Variants in ZNF496 observed in about 807,000 individuals in gnomAD.
ZNF496 encodes NSD1 (nuclear receptor binding SET-domain containing 1)-interacting zinc finger protein 1.
Under a neutral mutation model 58.9 loss-of-function variants are expected in ZNF496, and 11 were observed. The ratio of observed to expected loss-of-function variants is 0.19; its 90% CI spans 0.12 to 0.31. The LOEUF (loss-of-function observed/expected upper bound fraction) is 0.31. Among genes scored for constraint, ZNF496 ranks in the 10% least tolerant of loss-of-function variants. The probability of loss-of-function intolerance (pLI) is 1.00; values close to 1 mark genes in which losing one functional copy is unlikely to be tolerated. For missense variants in ZNF496, 660 were observed against 783.0 expected (o/e 0.84, Z 1.88); for synonymous variants, 338 against 318.2 (o/e 1.06, Z -0.66).
chr1:247,311,561 A>C (rs1659604795), intron 6 of ZNF496: 1 of 152,396 alleles, frequency 6.6e-6, no homozygotes, highest in Non-Finnish European at 1.5e-5. Context: ...CAAGTCCTGA[A>C]CCTATGGGTC....
chr1:247,310,608 C>T (rs1026315594), intron 6 of ZNF496, 152 bp from the exon 7 acceptor site: 1 of 1,025,476 alleles, frequency 9.8e-7, no homozygotes, highest in South Asian at 1.7e-5. Flanking sequence ...GCTGGACGTC[C>T]AAGATCAAGG....
chr1:247,308,344 A>G lies in ZNF496; in HGVS notation c.1006+131T>C. 1 of 822,866 alleles carries G rather than the reference A, an allele frequency of 1.2e-6. No individual in the cohort carries two copies. Among genetic ancestry groups the G allele is most frequent in the South Asian group, 1.6e-5 (1 of 63,574 alleles). The allele number at this position is 822,866 out of a possible 1,614,324, so 51.0% of individuals were successfully genotyped here. On this transcript the variant is annotated intron_variant, in intron 9 of 9. Coordinates refer to ENST00000682384, the MANE Select transcript of ZNF496 (RefSeq NM_032752.3). The surrounding 1 kb of genome is among the most constrained non-coding windows in gnomAD (Gnocchi z 4.5). ...CACTCACACATGCAGCACACCACAT[A>G]TACCACATGTGTATGCACGCACACA...
At chr1:247,310,161 C>T (rs1659556169) in intron 7 of ZNF496, 163 bp downstream of exon 7, 10 of 1,452,040 alleles carry the variant, frequency 6.9e-6, no homozygotes, top group Non-Finnish European at 9.1e-6. Context: ...CCTGTAGGGC[C>T]GCTGTGTGCA....
intron 6 of ZNF496, among the ~76,000 whole-genome samples, chr1:247,315,362 G>T (rs1572082890): frequency 6.6e-6 from 1 of 152,044 alleles, no homozygotes; most frequent in Non-Finnish European, 1.5e-5. Context: ...GAAGGAAGCT[G>T]TATCACCTAT....
In ZNF496 at chr1:247,308,263, C is replaced by T. The variant is rs1659479632; in HGVS notation, c.1006+212G>A. ...ACTGTCCCATGCCATCACCACCGCACATTTACATCACACACCCACATGCCC... is the reference window on the plus strand; with the variant it reads ...ACTGTCCCATGCCATCACCACCGCATATTTACATCACACACCCACATGCCC... On this transcript the variant is annotated intron_variant, in intron 9 of 9. Coordinates refer to ENST00000682384, the MANE Select transcript of ZNF496 (RefSeq NM_032752.3). This position sits in a 1 kb window ranked among gnomAD's most constrained non-coding sequence, Gnocchi z 4.5. Among the ~76,000 whole-genome samples the T allele has an allele frequency of 6.6e-6, 1 of 152,156 alleles. No individual in the cohort carries two copies. The highest frequency in any genetic ancestry group is 2.4e-5 in the African/African-American group (1 of 41,438).
chr1:247,316,159 T>C (rs993810640), intron 6 of ZNF496, among the ~76,000 whole-genome samples: 1 of 134,276 alleles, frequency 7.4e-6, no homozygotes, highest in East Asian at 2.1e-4. Context: ...TGTGTGTGTG[T>C]GTGTGTGTGT....
At position 247,318,861 on chromosome 1, in the gene ZNF496, T is replaced by G. The variant is rs1209056864; in HGVS notation, c.651+4293A>C. Among the ~76,000 whole-genome samples the G allele has an allele frequency of 2.0e-5, 3 of 152,330 alleles. No individual in the cohort carries two copies. In the Middle Eastern group the frequency reaches 0.01, roughly 518 times the overall value. Reference sequence around the variant, plus strand: ...GAGTTTTCTGAATAATGTTTGACAGTTGAAGCACAAATTACAACACTCTAT... The same window carrying G: ...GAGTTTTCTGAATAATGTTTGACAGGTGAAGCACAAATTACAACACTCTAT... On this transcript the variant is annotated intron_variant, in intron 6 of 9. Coordinates refer to ENST00000682384, the MANE Select transcript of ZNF496 (RefSeq NM_032752.3).
chr1:247,306,103 T>C (rs1572072884), intron 9 of ZNF496, among the ~76,000 whole-genome samples: 1 of 152,146 alleles, frequency 6.6e-6, no homozygotes, highest in South Asian at 2.1e-4. Context: ...CTATGAAAGA[T>C]GGCAGTTTCT....
intron 9 of ZNF496, among the ~76,000 whole-genome samples, chr1:247,305,700 A>G (rs1054568545): frequency 6.6e-6 from 1 of 152,254 alleles, no homozygotes; most frequent in African/African-American, 2.4e-5. Context: ...ATATTCTTGT[A>G]AAGTTAGAAT....
At chr1:247,305,743 A>G (rs530131594) in intron 9 of ZNF496, among the ~76,000 whole-genome samples, 3 of 152,364 alleles carry the variant, frequency 2.0e-5, no homozygotes, top group South Asian at 2.1e-4. Flanking sequence ...CATAAAACCA[A>G]AAAGATGACG....
chr1:247,317,661 C>T (rs1037811469), intron 6 of ZNF496, among the ~76,000 whole-genome samples: 4 of 152,154 alleles, frequency 2.6e-5, no homozygotes, highest in Admixed American at 1.3e-4. Context: ...TTGATGCCCG[C>T]GGAGATCCAG....
chr1:247,302,962 T>C (rs561557365), intron 9 of ZNF496, among the ~76,000 whole-genome samples: 1 of 152,306 alleles, frequency 6.6e-6, no homozygotes, highest in South Asian at 2.1e-4. Context: ...TAAGATCTCT[T>C]ACTTGTTAAC....
intron 6 of ZNF496, among the ~76,000 whole-genome samples, chr1:247,314,702 G>A (rs906469503): frequency 3.3e-5 from 5 of 152,176 alleles, no homozygotes; most frequent in African/African-American, 1.2e-4. Context: ...TTCCCCGGGT[G>A]TTGGGGCCAG....
intron 6 of ZNF496, chr1:247,322,699 A>C: frequency 7.8e-7 from 1 of 1,287,828 alleles, no homozygotes. Context: ...ATGACTCACC[A>C]CGTAGATCTG....
At chr1:247,330,327 T>A (rs1660279974) in intron 2 of ZNF496, among the ~76,000 whole-genome samples, 1 of 152,236 alleles carries the variant, frequency 6.6e-6, no homozygotes, top group South Asian at 2.1e-4. Flanking sequence ...ATGAGCCTTC[T>A]GCCAATTCTG....
chr1:247,314,917 T>C (rs1659723663), intron 6 of ZNF496, among the ~76,000 whole-genome samples: 1 of 152,086 alleles, frequency 6.6e-6, no homozygotes, highest in South Asian at 2.1e-4. Flanking sequence ...CAGCTACTTT[T>C]TTTTTGGTAT....
chr1:247,306,590 CT>C (rs1659420854), intron 9 of ZNF496, among the ~76,000 whole-genome samples: 1 of 151,654 alleles, frequency 6.6e-6, no homozygotes. Context: ...CAGCCTTGAC[CT>C]CCCAGGTTCA....
At chr1:247,302,887 TCAG>T (rs1407753699) in intron 9 of ZNF496, among the ~76,000 whole-genome samples, 1 of 152,148 alleles carries the variant, frequency 6.6e-6, no homozygotes, top group Admixed American at 6.5e-5. Context: ...AGGTACTTGA[TCAG>T]CAGTTGACTT....
intron 9 of ZNF496, chr1:247,307,927 G>C (rs906657066): frequency 1.0e-5 from 10 of 985,266 alleles, no homozygotes; most frequent in Non-Finnish European, 1.1e-5. Flanking sequence ...AGCAGGAATG[G>C]AACATACACT....
Sources: gnomAD v4.1 joint callset for allele counts (sites outside exome capture counted in the v4.1 genomes callset) on GRCh38, gnomAD v4.1.1 for gene constraint, Gnocchi (gnomAD v3.1) non-coding constraint, MANE v1.5 for transcripts, NCBI Gene and HGNC (gene_info 2026-07-23, HGNC 2026-07-21) for gene names.